SPAG16: variants seen among roughly 807,000 people sequenced by gnomAD.
The protein encoded by SPAG16 is sperm associated antigen 16.
SPAG16 carries 86 observed loss-of-function variants against 80.4 expected under a neutral mutation model. That is an observed-to-expected ratio of 1.07 (90% CI 0.90 to 1.28). The LOEUF (loss-of-function observed/expected upper bound fraction) is 1.28. SPAG16 is among the 50% of genes most tolerant of loss of function. The pLI is 0.00. For missense variants in SPAG16, 870 were observed against 765.3 expected (o/e 1.14, Z -1.61); for synonymous variants, 294 against 265.9 (o/e 1.11, Z -1.03).
intron 10 of SPAG16, among the ~76,000 whole-genome samples, chr2:213,794,191 T>C (rs2070878955): frequency 6.6e-6 from 1 of 152,148 alleles, no homozygotes; most frequent in Non-Finnish European, 1.5e-5. Context: ...AGTTCTCCTG[T>C]TGTATTCTAA....
intron 9 of SPAG16, among the ~76,000 whole-genome samples, chr2:213,470,017 C>T (rs565538339): frequency 6.3e-4 from 96 of 152,232 alleles, no homozygotes; most frequent in African/African-American, 2.3e-3. Context: ...GCTAGTGTAT[C>T]ACTAGAAGTG....
chr2:214,025,003 C>T (rs1252538714), intron 13 of SPAG16, among the ~76,000 whole-genome samples: 1 of 151,412 alleles, frequency 6.6e-6, no homozygotes, highest in East Asian at 1.9e-4. Context: ...GTTCTTTTAC[C>T]TCCTGGTTGT....
intron 13 of SPAG16, among the ~76,000 whole-genome samples, chr2:214,097,335 T>C (rs1232301942): frequency 2.7e-5 from 4 of 148,058 alleles, no homozygotes; most frequent in African/African-American, 8.0e-5. Context: ...TTCAGTGTTT[T>C]ATTTAGATAA....
intron 10 of SPAG16, among the ~76,000 whole-genome samples, chr2:213,721,912 C>T (rs369794352): frequency 2.6e-5 from 4 of 151,972 alleles, no homozygotes; most frequent in South Asian, 4.1e-4. Flanking sequence ...TGCATTTAAG[C>T]GTGTGATTAA....
At position 213,643,346 on chromosome 2, in the gene SPAG16, TTTTATATATATATATATATATATATA is replaced by T. The variant is rs1332366175; in HGVS notation, c.1070+153258_1070+153283del. Among the ~76,000 whole-genome samples the T allele has an allele frequency of 2.7e-3, 196 of 72,668 alleles. 15 individuals are homozygous for T. Among genetic ancestry groups the T allele is most frequent in the African/African-American group, 5.2e-3 (109 of 20,892 alleles). 47.7% of individuals were successfully genotyped at this position (72,668 alleles called of 152,430 possible). A position where few individuals can be genotyped will look rare whatever the true frequency, so the allele number is the denominator to read the frequency against. On this transcript the variant is annotated intron_variant, in intron 10 of 15. Coordinates refer to ENST00000331683, the MANE Select transcript of SPAG16 (RefSeq NM_024532.5). Reference sequence around the variant, plus strand: ...TGCTGCCAGATGTATTGGATCTTAATTTTATATATATATATATATATATATATATATATATATATATATATATATAT... The same window carrying T: ...TGCTGCCAGATGTATTGGATCTTAATTATATATATATATATATATATATAT...
chr2:213,895,927 TA>T (rs199821998), intron 11 of SPAG16, among the ~76,000 whole-genome samples: 24 of 148,454 alleles, frequency 1.6e-4, no homozygotes, highest in Admixed American at 4.0e-4. Context: ...AAATAAAAAA[TA>T]AAAAAAAATG....
At chr2:214,042,285 T>G (rs1474521157) in intron 13 of SPAG16, among the ~76,000 whole-genome samples, 2 of 151,714 alleles carry the variant, frequency 1.3e-5, no homozygotes, top group East Asian at 1.9e-4. Context: ...TTTCTAAACC[T>G]TGGATACCAA....
chr2:214,225,159 C>T (rs1220121702), intron 15 of SPAG16, among the ~76,000 whole-genome samples: 1 of 152,098 alleles, frequency 6.6e-6, no homozygotes, highest in African/African-American at 2.4e-5. Flanking sequence ...AGCTGCAAGA[C>T]AATAAGTCAA....
intron 15 of SPAG16, among the ~76,000 whole-genome samples, chr2:214,305,939 A>T (rs1182357684): frequency 3.3e-5 from 5 of 152,136 alleles, no homozygotes; most frequent in Admixed American, 3.3e-4. Context: ...TGATAGGAAT[A>T]GCATTTAATT....
intron 12 of SPAG16, among the ~76,000 whole-genome samples, chr2:213,980,137 G>T (rs931997580): frequency 1.3e-5 from 2 of 150,104 alleles, no homozygotes; most frequent in African/African-American, 2.5e-5. Context: ...AGATCACGAG[G>T]TCAAGAGATT....
At chr2:213,493,857 C>T (rs911329809) in intron 10 of SPAG16, among the ~76,000 whole-genome samples, 4 of 152,182 alleles carry the variant, frequency 2.6e-5, no homozygotes, top group Non-Finnish European at 5.9e-5. Context: ...TCATATCCTG[C>T]TCATTGTCTC....
At chr2:213,472,863 C>T (rs1217047522) in intron 9 of SPAG16, among the ~76,000 whole-genome samples, 1 of 152,188 alleles carries the variant, frequency 6.6e-6, no homozygotes, top group African/African-American at 2.4e-5. Context: ...CTGATCTTTT[C>T]CCTTCCTCCA....
chr2:214,270,978 A>G (rs1323704263), intron 15 of SPAG16, among the ~76,000 whole-genome samples: 1 of 152,288 alleles, frequency 6.6e-6, no homozygotes, highest in African/African-American at 2.4e-5. Context: ...ACTGCGCAGA[A>G]AACAGTGCCC....
intron 10 of SPAG16, among the ~76,000 whole-genome samples, chr2:213,792,243 G>A (rs1267538824): frequency 1.3e-5 from 2 of 152,246 alleles, no homozygotes; most frequent in East Asian, 1.9e-4. Flanking sequence ...TTTTGCTGAC[G>A]GAAGCAAATC....
At chr2:213,286,497 G>A (rs936212471) in intron 1 of SPAG16, among the ~76,000 whole-genome samples, 3 of 152,168 alleles carry the variant, frequency 2.0e-5, no homozygotes, top group African/African-American at 7.2e-5. Context: ...GTGTAATGTT[G>A]TTTGACATTG....
At chr2:213,445,304 A>G (rs1243448202) in intron 9 of SPAG16, among the ~76,000 whole-genome samples, 2 of 152,232 alleles carry the variant, frequency 1.3e-5, no homozygotes, top group South Asian at 2.1e-4. Flanking sequence ...AAAAAGTTCA[A>G]TAGAAAAAAC....
At chr2:214,080,820 A>C (rs16851418) in intron 13 of SPAG16, among the ~76,000 whole-genome samples, 3,699 of 152,046 alleles carry the variant, frequency 0.024, 100 homozygotes, top group South Asian at 0.13. Flanking sequence ...TGTAATTGCA[A>C]GTTTCTTTAA....
At chr2:214,054,757 AT>A (rs1300680875) in intron 13 of SPAG16, among the ~76,000 whole-genome samples, 2 of 152,116 alleles carry the variant, frequency 1.3e-5, no homozygotes, top group Non-Finnish European at 2.9e-5. Flanking sequence ...CCAAAGATAT[AT>A]TTTTTGTTGC....
intron 1 of SPAG16, among the ~76,000 whole-genome samples, chr2:213,287,214 G>C (rs943459793): frequency 4.6e-5 from 7 of 152,226 alleles, no homozygotes; most frequent in Non-Finnish European, 1.5e-5. Flanking sequence ...CTATGTGATA[G>C]ATATGTAAAG....
Sources: allele counts gnomAD v4.1 joint callset (sites outside exome capture counted in the v4.1 genomes callset), GRCh38; gene constraint gnomAD v4.1.1; transcripts MANE v1.5; gene names NCBI Gene and HGNC (gene_info 2026-07-23, HGNC 2026-07-21).